The following DACH1 variants were observed in gnomAD, a reference collection of about 807,000 sequenced individuals.
DACH1 encodes dachshund family transcription factor 1, also known as dachshund homolog 1.
In DACH1, 12 loss-of-function variants were observed where a neutral mutation model predicts 54.2. The observed-to-expected ratio is 0.22, with a 90% CI of 0.14 to 0.36. The LOEUF is 0.36. Among genes scored for constraint, DACH1 ranks in the 10% least tolerant of loss-of-function variants. DACH1 has a pLI of 1.00. For synonymous variants in DACH1, 386 were observed against 366.2 expected, an observed-to-expected ratio of 1.05 and a Z score of -0.62; for missense variants, 805 against 929.8, an observed-to-expected ratio of 0.87 and a Z score of 1.75.
Position 71,820,702 on chromosome 13 carries a change from T to C in DACH1, c.848+45220A>G, listed in dbSNP as rs368072878. On this transcript the variant is annotated intron_variant, in intron 1 of 10. Coordinates refer to ENST00000613252, the MANE Select transcript of DACH1 (RefSeq NM_080759.6). Reference sequence around the variant, plus strand: ...AACAACATACAGTTATAAATCCACATTCATGTAGAAAGAGCATTAGAAATC... The same window carrying C: ...AACAACATACAGTTATAAATCCACACTCATGTAGAAAGAGCATTAGAAATC... Among the ~76,000 whole-genome samples, 7 of 152,256 alleles carry C rather than the reference T, an allele frequency of 4.6e-5. No individual in the cohort carries two copies. The South Asian group carries it at 1.5e-3, about 32-fold the overall frequency.
intron 1 of DACH1, among the ~76,000 whole-genome samples, chr13:71,684,769 G>T (rs1178879849): frequency 6.6e-6 from 1 of 152,010 alleles, no homozygotes; most frequent in African/African-American, 2.4e-5. Context: ...TTCACTCTAT[G>T]TAGTAAAATA....
chr13:71,473,010 ATGT>A (rs1487489481), intron 10 of DACH1, among the ~76,000 whole-genome samples: 4 of 152,192 alleles, frequency 2.6e-5, no homozygotes, highest in Non-Finnish European at 4.4e-5. Context: ...TTGCTCTGTT[ATGT>A]TAAGAGTCTT....
intron 2 of DACH1, chr13:71,675,166 G>A (rs1468049514): frequency 2.5e-6 from 4 of 1,583,136 alleles, no homozygotes; most frequent in African/African-American, 1.3e-5. Flanking sequence ...CTCTACTGGA[G>A]GGGTGAAGAA....
chr13:71,538,125 C>T (rs1271963303), intron 6 of DACH1, among the ~76,000 whole-genome samples: 1 of 152,104 alleles, frequency 6.6e-6, no homozygotes, highest in Non-Finnish European at 1.5e-5. Flanking sequence ...CAATGCCCCA[C>T]ACTAGGCCAC....
At chr13:71,486,797 A>AATTAATTTATTT (rs1420209396) in intron 7 of DACH1, among the ~76,000 whole-genome samples, 1 of 25,896 alleles carries the variant, frequency 3.9e-5, no homozygotes, top group African/African-American at 5.1e-5. Flanking sequence ...TAAATTAATT[A>AATTAATTTATTT]ATTTATTTAT....
At chr13:71,767,643 C>A (rs1461252746) in intron 1 of DACH1, among the ~76,000 whole-genome samples, 1 of 151,842 alleles carries the variant, frequency 6.6e-6, no homozygotes, top group Non-Finnish European at 1.5e-5. Flanking sequence ...CTGGTGTAGG[C>A]AAAAAGCTCT....
chr13:71,660,974 T>TA (rs1037910720), intron 2 of DACH1, among the ~76,000 whole-genome samples: 23 of 148,112 alleles, frequency 1.6e-4, no homozygotes, highest in Middle Eastern at 4.6e-3. Flanking sequence ...ATGAAAATAA[T>TA]AAAAAAAAGG....
At chr13:71,532,213 G>A (rs1013120454) in intron 6 of DACH1, among the ~76,000 whole-genome samples, 1 of 151,830 alleles carries the variant, frequency 6.6e-6, no homozygotes, top group East Asian at 1.9e-4. Flanking sequence ...GTTCTTTGGG[G>A]TTTTCAAATA....
intron 2 of DACH1, chr13:71,675,226 T>C (rs1397139609): frequency 1.5e-5 from 24 of 1,569,896 alleles, no homozygotes; most frequent in East Asian, 2.2e-5. Context: ...AGTTAGACGT[T>C]ATCAGAAGTC....
intron 4 of DACH1, among the ~76,000 whole-genome samples, chr13:71,560,544 C>T (rs9542720): frequency 1.3e-5 from 2 of 152,118 alleles, no homozygotes; most frequent in African/African-American, 4.8e-5. Flanking sequence ...ACCTACCACA[C>T]CTAGCTTCAA....
chr13:71,651,604 T>C (rs1452711781), intron 2 of DACH1, among the ~76,000 whole-genome samples: 1 of 151,992 alleles, frequency 6.6e-6, no homozygotes, highest in Non-Finnish European at 1.5e-5. Context: ...AAGGCTGCAG[T>C]GAGCTGTGAT....
intron 1 of DACH1, among the ~76,000 whole-genome samples, chr13:71,758,794 C>T (rs961588870): frequency 3.9e-5 from 6 of 152,186 alleles, no homozygotes; most frequent in Non-Finnish European, 8.8e-5. Context: ...ATAATTTCTA[C>T]GGGTAATTCC....
rs1874870640 is a variant in DACH1, at chr13:71,866,966, G to C, written c.-197C>G. On this transcript the variant is annotated 5_prime_UTR_variant, in exon 1 of 11. Transcript: ENST00000613252. ...AATAAAGAGCGAGCGCAAGAGGGGC[G>C]AGCACGAGAGGCGCTCTGGAGAGGA... The C allele has an allele frequency of 5.1e-6, 2 of 390,284 alleles. No homozygotes were observed. Among genetic ancestry groups the C allele is most frequent in the African/African-American group, 2.1e-5 (1 of 47,432 alleles). The allele number at this position is 390,284 out of a possible 1,614,324, so 24.2% of individuals were successfully genotyped here.
At chr13:71,630,391 C>G (rs567240557) in intron 3 of DACH1, among the ~76,000 whole-genome samples, 165 bp downstream of exon 3, 15 of 152,124 alleles carry the variant, frequency 9.9e-5, no homozygotes, top group Non-Finnish European at 1.8e-4. Flanking sequence ...GAACAATTAT[C>G]ATTAGTTGTT....
chr13:71,774,192 T>G (rs750327132), intron 1 of DACH1, among the ~76,000 whole-genome samples: 2 of 152,152 alleles, frequency 1.3e-5, no homozygotes, highest in Non-Finnish European at 2.9e-5. Flanking sequence ...TATACACAAC[T>G]AGAATGCATA....
intron 1 of DACH1, among the ~76,000 whole-genome samples, chr13:71,730,724 A>G (rs1041555040): frequency 1.6e-4 from 24 of 152,178 alleles, no homozygotes; most frequent in African/African-American, 5.5e-4. Flanking sequence ...CTGAGAGCTT[A>G]CTTAGCAGAA....
chr13:71,471,834 T>C (rs148206429), intron 10 of DACH1, among the ~76,000 whole-genome samples: 2 of 152,066 alleles, frequency 1.3e-5, no homozygotes, highest in Non-Finnish European at 2.9e-5. Flanking sequence ...TAAAATAAGA[T>C]GACGACTTAG....
chr13:71,852,773 A>C (rs574173191), intron 1 of DACH1, among the ~76,000 whole-genome samples: 1 of 152,320 alleles, frequency 6.6e-6, no homozygotes, highest in African/African-American at 2.4e-5. Flanking sequence ...AAAACCCTCA[A>C]CTGCTAACAG....
At chr13:71,475,884 T>G in intron 8 of DACH1, 35 bp from the exon 9 acceptor site, 1 of 1,411,882 alleles carries the variant, frequency 7.1e-7, no homozygotes, top group Non-Finnish European at 9.4e-7. Context: ...TTATTATTAT[T>G]TTTAAATTTT....
Sources: allele counts gnomAD v4.1 joint callset (sites outside exome capture counted in the v4.1 genomes callset), GRCh38; gene constraint gnomAD v4.1.1; transcripts MANE v1.5; gene names NCBI Gene and HGNC (gene_info 2026-07-23, HGNC 2026-07-21).